MRC2: variants seen among roughly 807,000 people sequenced by gnomAD.
MRC2 encodes mannose receptor C-type 2.
In MRC2, 84 loss-of-function variants were observed where a neutral mutation model predicts 206.2. The ratio of observed to expected loss-of-function variants is 0.41; its 90% CI spans 0.34 to 0.49. MRC2 has a LOEUF of 0.49. Ranked by LOEUF, MRC2 falls within the 20% of genes least tolerant of loss-of-function variation. The pLI is 0.31. For synonymous variants in MRC2, 798 were observed against 800.0 expected (o/e 1.00, Z 0.04); for missense variants, 1,676 against 2,001.5 (o/e 0.84, Z 3.10).
chr17:62,628,152 C>T (rs892884522), intron 1 of MRC2, among the ~76,000 whole-genome samples: 1 of 140,088 alleles, frequency 7.1e-6, no homozygotes, highest in African/African-American at 2.6e-5. Flanking sequence ...CCAGATGTGG[C>T]GGGCGGCGGG....
At chr17:62,645,482 G>GTA (rs2088464118) in intron 1 of MRC2, among the ~76,000 whole-genome samples, 1 of 112,194 alleles carries the variant, frequency 8.9e-6, no homozygotes, top group Non-Finnish European at 1.6e-5. Flanking sequence ...CACATAATAT[G>GTA]TGTGTGTGTA....
In MRC2 at chr17:62,667,020, C is replaced by CA. The variant is rs2088765996; in HGVS notation, c.973+150_973+151insA. 7 of 688,630 alleles carry CA rather than the reference C, an allele frequency of 1.0e-5. No homozygotes were observed. In the Admixed American group the frequency reaches 1.6e-4, roughly 16 times the overall value. 42.7% of individuals were successfully genotyped at this position (688,630 alleles called of 1,614,324 possible). ...ACCCCCCTCCCCAGACTGCGCCCCC[C>CA]TAGCCCATGTAGGGCGGCGCTGCCC... is the stretch of plus-strand genomic sequence containing the variant. On this transcript the variant is annotated intron_variant, in intron 5 of 29. Coordinates refer to ENST00000303375, the MANE Select transcript of MRC2 (RefSeq NM_006039.5). The surrounding 1 kb of genome is among the most constrained non-coding windows in gnomAD (Gnocchi z 4.1).
chr17:62,678,227 A>G (rs959371389), intron 12 of MRC2, among the ~76,000 whole-genome samples: 4 of 152,218 alleles, frequency 2.6e-5, no homozygotes, highest in African/African-American at 7.2e-5. Context: ...AGGGAGAAGA[A>G]GGGACTTACC....
At chr17:62,650,421 G>A (rs534070648) in intron 1 of MRC2, among the ~76,000 whole-genome samples, 3 of 152,286 alleles carry the variant, frequency 2.0e-5, no homozygotes, top group South Asian at 2.1e-4. Context: ...ATGCTGCCTC[G>A]ACTGGAAATC....
chr17:62,678,408 C>T (rs2088920052), intron 12 of MRC2, 96 bp from the exon 13 acceptor site: 1 of 1,508,658 alleles, frequency 6.6e-7, no homozygotes, highest in East Asian at 2.3e-5. Context: ...AGTAAGGCTC[C>T]AGGCCCCTCC....
Position 62,672,254 on chromosome 17 carries a change from G to A in MRC2, c.1461+102G>A. Reference sequence around the variant, plus strand: ...TCCTAGTTACTATCAGAACCTGCCTGGAACCTCTTACCTCTCAGCAGTCCC... The same window carrying A: ...TCCTAGTTACTATCAGAACCTGCCTAGAACCTCTTACCTCTCAGCAGTCCC... On this transcript the variant is annotated intron_variant, in intron 8 of 29. Coordinates refer to ENST00000303375, the MANE Select transcript of MRC2 (RefSeq NM_006039.5). The surrounding 1 kb of genome is among the most constrained non-coding windows in gnomAD (Gnocchi z 4.5). 2 of 1,405,894 alleles carry A rather than the reference G, an allele frequency of 1.4e-6. No homozygotes were observed. The highest frequency in any genetic ancestry group is 2.0e-6 in the Non-Finnish European group (2 of 1,008,114). 87.1% of individuals were successfully genotyped at this position (1,405,894 alleles called of 1,614,324 possible).
chr17:62,689,694 G>C lies in MRC2; in HGVS notation c.3507G>C (p.Gln1169His). ...SLAYVPDPYT[Q>H]AFLTQAARGL... ...CCTACGTGCCCGACCCCTACACCCA[G>C]GCCTTCCTCACGCAGGCTGCCCGAG... The change falls in exon 24 of 30, where the codon CAG becomes CAC. Residue 1169 changes from glutamine to histidine, a missense_variant. Transcript: ENST00000303375. The C allele has an allele frequency of 6.3e-7, 1 of 1,581,886 alleles. No homozygotes were observed. Among genetic ancestry groups the C allele is most frequent in the Non-Finnish European group, 8.6e-7 (1 of 1,164,486 alleles).
chr17:62,688,402 A>T lies in MRC2; in HGVS notation c.3060A>T (p.Gln1020His), dbSNP rs1158338283. Residue 1020 changes from glutamine (Q) to histidine (H), a missense_variant and splice_region_variant, in exon 21 of 30, where the codon CAA becomes CAT. Transcript: ENST00000303375. ...TCACCATCACAAACCCCTTAGAGCA[A>T]GGTAGGGCCAGCCTATGGGGAGCCC... is the stretch of plus-strand genomic sequence containing the variant. The part of the protein sequence containing the change: ...QLVTITNPLE[Q>H]AFITASLPNV... The T allele has an allele frequency of 3.7e-6, 6 of 1,614,242 alleles. No individual in the cohort carries two copies. Among genetic ancestry groups the T allele is most frequent in the Non-Finnish European group, 5.1e-6 (6 of 1,180,028 alleles).
intron 1 of MRC2, among the ~76,000 whole-genome samples, chr17:62,655,507 A>T (rs2088607479): frequency 2.0e-5 from 3 of 152,250 alleles, no homozygotes; most frequent in East Asian, 3.9e-4. Context: ...GCGCCACTGC[A>T]CTCCAGCCTG....
intron 9 of MRC2, 58 bp downstream of exon 9, chr17:62,674,228 G>A: frequency 1.5e-6 from 2 of 1,307,420 alleles, no homozygotes; most frequent in African/African-American, 1.5e-5. Flanking sequence ...GGCTACCAGG[G>A]GAGGGAGAGG....
intron 1 of MRC2, among the ~76,000 whole-genome samples, chr17:62,655,469 G>T (rs2088606700): frequency 6.6e-6 from 1 of 152,080 alleles, no homozygotes; most frequent in Non-Finnish European, 1.5e-5. Flanking sequence ...GTGAACCCTG[G>T]AGGAGGAGCT....
intron 1 of MRC2, among the ~76,000 whole-genome samples, chr17:62,636,207 T>C (rs1016751080): frequency 1.3e-5 from 2 of 150,578 alleles, no homozygotes; most frequent in Non-Finnish European, 2.9e-5. Context: ...TGAGCTATGA[T>C]TGCACCACTG....
At chr17:62,674,262 ATGGCATCG>A in intron 9 of MRC2, 92 bp downstream of exon 9, 1 of 900,770 alleles carries the variant, frequency 1.1e-6, no homozygotes, top group Non-Finnish European at 1.6e-6. Context: ...GCTGCCTCGC[ATGGCATCG>A]CCCTCTCGTC....
chr17:62,678,518 G>A lies in MRC2; in HGVS notation c.2067G>A (p.Glu689=), dbSNP rs1021182658. ...TGCCCCTGCAGGTGTTCAGCTCAGA[G>A]CGGCTGCAGGACAAGAAGAGCTGGG... The part of the protein sequence containing the change: ...LRYCYKVFSS[E]RLQDKKSWVQ... Residue 689 remains glutamate (E), a synonymous_variant, in exon 13 of 30, where the codon GAG becomes GAA. Transcript: ENST00000303375. 2 of 1,612,498 alleles carry A rather than the reference G, an allele frequency of 1.2e-6. No homozygotes were observed. The highest frequency in any genetic ancestry group is 1.1e-5 in the South Asian group (1 of 90,994).
chr17:62,633,283 A>C (rs771807106), intron 1 of MRC2, among the ~76,000 whole-genome samples: 23 of 151,948 alleles, frequency 1.5e-4, no homozygotes, highest in Non-Finnish European at 3.2e-4. Context: ...CGGGTGGATC[A>C]TGAAGTCAGG....
chr17:62,627,934 A>C lies in MRC2; in HGVS notation c.118+14A>C. ...CCGCCCTCCCGGGTAAGGCGCTGCC[A>C]ACTTGGCCAACTTCAGGGCCCGGGC... On this transcript the variant is annotated intron_variant, in intron 1 of 29. Transcript: ENST00000303375. 1 of 1,412,504 alleles carries C rather than the reference A, an allele frequency of 7.1e-7. No homozygotes were observed. The highest frequency in any genetic ancestry group is 9.2e-7 in the Non-Finnish European group (1 of 1,091,046). 87.5% of individuals were successfully genotyped at this position (1,412,504 alleles called of 1,614,324 possible).
At chr17:62,660,830 T>C (rs1203078074) in intron 1 of MRC2, among the ~76,000 whole-genome samples, 1 of 152,102 alleles carries the variant, frequency 6.6e-6, no homozygotes, top group Non-Finnish European at 1.5e-5. Context: ...GTCCAGCATA[T>C]AATAAAAATT....
chr17:62,645,522 TA>T (rs1268753581), intron 1 of MRC2, among the ~76,000 whole-genome samples: 1,595 of 42,920 alleles, frequency 0.037, 43 homozygotes, highest in Non-Finnish European at 0.051. Context: ...TATATATATA[TA>T]TATATTTTTT....
In MRC2 at chr17:62,671,204, G is replaced by A. The variant is rs1473986111; in HGVS notation, c.1118-445G>A. Among the ~76,000 whole-genome samples, 4 of 152,130 alleles carry A rather than the reference G, an allele frequency of 2.6e-5. No homozygotes were observed. Among genetic ancestry groups the A allele is most frequent in the Non-Finnish European group, 5.9e-5 (4 of 68,020 alleles). ...CTCCCACCTCAGCCTCCTGAGTAGCGGGACCACAGGCGCACATCACCATGC... is the reference window on the plus strand; with the variant it reads ...CTCCCACCTCAGCCTCCTGAGTAGCAGGACCACAGGCGCACATCACCATGC... On this transcript the variant is annotated intron_variant, in intron 6 of 29. Coordinates refer to ENST00000303375, the MANE Select transcript of MRC2 (RefSeq NM_006039.5). This position sits in a 1 kb window ranked among gnomAD's most constrained non-coding sequence, Gnocchi z 4.5.
Sources: allele counts gnomAD v4.1 joint callset (sites outside exome capture counted in the v4.1 genomes callset), GRCh38; gene constraint gnomAD v4.1.1; non-coding constraint Gnocchi (gnomAD v3.1); transcripts MANE v1.5; gene names NCBI Gene and HGNC (gene_info 2026-07-23, HGNC 2026-07-21).